The following OGT variants were observed in gnomAD, a reference collection of about 807,000 sequenced individuals.
OGT encodes the protein O-linked N-acetylglucosamine (GlcNAc) transferase.
OGT carries 3 observed loss-of-function variants against 75.8 expected under a neutral mutation model. The ratio of observed to expected loss-of-function variants is 0.04; its 90% CI spans 0.02 to 0.10. The LOEUF (loss-of-function observed/expected upper bound fraction) is 0.10, where lower values mean the gene tolerates loss of function less well. Among genes scored for constraint, OGT ranks in the 10% least tolerant of loss-of-function variants. The pLI is 1.00. For synonymous variants in OGT, 257 were observed against 289.7 expected, an observed-to-expected ratio of 0.89 and a Z score of 1.15; for missense variants, 260 against 824.4, an observed-to-expected ratio of 0.32 and a Z score of 8.38.
intron 6 of OGT, 49 bp downstream of exon 6, chrX:71,554,641 G>A (rs767870304): frequency 9.4e-5 from 93 of 987,051 alleles, no homozygotes; most frequent in Non-Finnish European, 1.0e-4. Flanking sequence ...TTGTTGTATT[G>A]ACACTTGACA....
chrX:71,569,377 G>A (rs192638123), intron 21 of OGT, among the ~76,000 whole-genome samples: 180 of 112,130 alleles, frequency 1.6e-3, no homozygotes, highest in Non-Finnish European at 2.8e-3. Flanking sequence ...TCTTCACTAC[G>A]GTCGGTGTAA....
chrX:71,547,831 T>C, intron 4 of OGT, 76 bp from the exon 5 acceptor site: 1 of 1,135,489 alleles, frequency 8.8e-7, no homozygotes, highest in Non-Finnish European at 1.2e-6. Context: ...CCAATCTTTT[T>C]TTTTTCCCTT....
intron 21 of OGT, 50 bp downstream of exon 21, chrX:71,568,166 T>G (rs1474242360): frequency 9.5e-7 from 1 of 1,055,991 alleles, no homozygotes; most frequent in African/African-American, 1.9e-5. Flanking sequence ...AGAGAGAATA[T>G]AGCTGTTATA....
chrX:71,573,543 C>A, intron 21 of OGT, 77 bp from the exon 22 acceptor site: 1 of 917,775 alleles, frequency 1.1e-6, no homozygotes, highest in Non-Finnish European at 1.5e-6. Context: ...GCCACAAATG[C>A]GACTAGGTAT....
chrX:71,568,255 A>G (rs2040428802), intron 21 of OGT, 139 bp downstream of exon 21: 1 of 428,117 alleles, frequency 2.3e-6, no homozygotes, highest in Non-Finnish European at 3.7e-6. Context: ...GTACTTCTAA[A>G]CTCTTAGAAA....
At chrX:71,552,387 A>ATTT (rs757206451) in intron 5 of OGT, among the ~76,000 whole-genome samples, 3 of 91,940 alleles carry the variant, frequency 3.3e-5, no homozygotes, top group East Asian at 3.6e-4. Flanking sequence ...CACTGAATGG[A>ATTT]TTTTTTTTTT....
At chrX:71,559,930 A>T (rs183993589) in intron 14 of OGT, among the ~76,000 whole-genome samples, 2 of 111,553 alleles carry the variant, frequency 1.8e-5, no homozygotes, top group Admixed American at 1.9e-4. Flanking sequence ...CTTGTGACAG[A>T]AGATACTTAA....
chrX:71,543,797 CT>C (rs1304788174), intron 3 of OGT, among the ~76,000 whole-genome samples: 3 of 55,464 alleles, frequency 5.4e-5, no homozygotes, highest in Non-Finnish European at 1.1e-4. Context: ...TATATATTTC[CT>C]TTTTTTTTTG....
chrX:71,548,870 T>A (rs1217471942), intron 5 of OGT, among the ~76,000 whole-genome samples: 1 of 111,390 alleles, frequency 9.0e-6, no homozygotes, highest in East Asian at 2.8e-4. Context: ...AATTTACCCA[T>A]TTAACAAACC....
In OGT at chrX:71,559,269, T is replaced by C. The variant is rs747657088; in HGVS notation, c.1605T>C (p.Ile535=). 1.2e-5 allele frequency: 15 copies of C among 1,203,308 alleles called. No homozygotes were observed. In the Admixed American group the frequency reaches 3.1e-4, roughly 25 times the overall value. ...ERHGNLCLDK[I]NVLHKPPYEH... is the part of the protein sequence containing the mutation. ...CAAGCATTGGATTCTGTTGATAGAT[T>C]AATGTTCTTCATAAACCACCATATG... Residue 535 remains isoleucine, a splice_region_variant and synonymous_variant, in exon 13 of 22, where the codon ATT becomes ATC. Coordinates refer to ENST00000373719, the MANE Select transcript of OGT (RefSeq NM_181672.3).
intron 5 of OGT, among the ~76,000 whole-genome samples, chrX:71,550,367 T>C (rs941442714): frequency 8.9e-6 from 1 of 111,776 alleles, no homozygotes; most frequent in Non-Finnish European, 1.9e-5. Flanking sequence ...CTGCTTGCCA[T>C]TTGTTTTTTT....
chrX:71,543,825 C>T (rs1011072624), intron 3 of OGT, among the ~76,000 whole-genome samples: 2 of 103,176 alleles, frequency 1.9e-5, no homozygotes, highest in Non-Finnish European at 3.9e-5. Context: ...GAGTCTCTGT[C>T]GCCCAGGCTG....
intron 6 of OGT, among the ~76,000 whole-genome samples, 184 bp downstream of exon 6, chrX:71,554,776 G>T (rs1015063664): frequency 3.6e-5 from 4 of 112,240 alleles, no homozygotes; most frequent in Non-Finnish European, 5.6e-5. Context: ...ACTTTTTGTT[G>T]TTGGCTTTCC....
intron 21 of OGT, 98 bp from the exon 22 acceptor site, chrX:71,573,522 A>G (rs938509243): frequency 2.5e-5 from 17 of 683,551 alleles, no homozygotes; most frequent in Admixed American, 1.1e-4. Flanking sequence ...GAGTTTGGTC[A>G]TGCATTTTTT....
intron 4 of OGT, chrX:71,547,524 A>G: frequency 1.3e-6 from 1 of 783,452 alleles, no homozygotes; most frequent in Non-Finnish European, 1.5e-6. Flanking sequence ...CTCGGCCTCA[A>G]GTTGCGCCCT....
At position 71,564,656 on chromosome X, in the gene OGT, C is replaced by T. The variant is rs1362139804; in HGVS notation, c.2492C>T (p.Thr831Ile). Residue 831 changes from threonine to isoleucine, a missense_variant, in exon 19 of 22, where the codon ACC (threonine) becomes ATC (isoleucine). Transcript: ENST00000373719. ...EEVPRTIIVT[T>I]RSQYGLPEDA... is the part of the protein sequence containing the mutation. ...GTTCCCCGTACCATTATTGTAACCACCCGTTCTCAGTACGGGTTACCAGAA... is the reference window on the plus strand; with the variant it reads ...GTTCCCCGTACCATTATTGTAACCATCCGTTCTCAGTACGGGTTACCAGAA... 8.4e-7 allele frequency: 1 copy of T among 1,196,870 alleles called. No homozygotes were observed.
Position 71,575,385 on chromosome X carries a change from G to A in OGT, c.*1591G>A, listed in dbSNP as rs1172469675. The A allele has an allele frequency of 8.9e-6, 1 of 112,431 alleles. No individual in the cohort carries two copies. The highest frequency in any genetic ancestry group is 1.9e-5 in the Non-Finnish European group (1 of 53,259). 9.3% of individuals were successfully genotyped at this position (112,431 alleles called of 1,213,427 possible). On this transcript the variant is annotated 3_prime_UTR_variant, in exon 22 of 22. Coordinates refer to ENST00000373719, the MANE Select transcript of OGT (RefSeq NM_181672.3). ...AAATTTTGAGCAAGGAGTCTCAAAG[G>A]TAATTCTGAACCAGAATTACATGTT... is the stretch of plus-strand genomic sequence containing the variant.
At chrX:71,539,993 G>A (rs945962060) in intron 3 of OGT, among the ~76,000 whole-genome samples, 4 of 112,328 alleles carry the variant, frequency 3.6e-5, no homozygotes, top group Non-Finnish European at 5.6e-5. Context: ...TATCTAACCT[G>A]CTGTTAGCAG....
chrX:71,538,986 T>C (rs771203667), intron 3 of OGT, among the ~76,000 whole-genome samples: 1 of 112,327 alleles, frequency 8.9e-6, no homozygotes, highest in East Asian at 2.8e-4. Flanking sequence ...TTATTTCTGA[T>C]TTTTATCAAT....
Sources: allele counts gnomAD v4.1 joint callset (sites outside exome capture counted in the v4.1 genomes callset), GRCh38; gene constraint gnomAD v4.1.1; transcripts MANE v1.5; gene names NCBI Gene and HGNC (gene_info 2026-07-23, HGNC 2026-07-21).